The following GLUD1 variants were observed in gnomAD, a reference collection of about 807,000 sequenced individuals.
GLUD1 encodes the protein glutamate dehydrogenase 1, also known as glutamate dehydrogenase 1, mitochondrial.
GLUD1 carries 22 observed loss-of-function variants against 56.0 expected under a neutral mutation model. That is an observed-to-expected ratio of 0.39 (90% CI 0.28 to 0.56). GLUD1 has a LOEUF of 0.56. GLUD1 is among the 20% of genes least tolerant of loss of function. The pLI, the probability that GLUD1 is intolerant of heterozygous loss-of-function variation, is 0.58. For synonymous variants in GLUD1, 223 were observed against 269.9 expected, an observed-to-expected ratio of 0.83 and a Z score of 1.70; for missense variants, 451 against 732.0, an observed-to-expected ratio of 0.62 and a Z score of 4.43.
intron 1 of GLUD1, among the ~76,000 whole-genome samples, chr10:87,093,063 C>A (rs1309264668): frequency 2.0e-5 from 3 of 152,200 alleles, no homozygotes; most frequent in Admixed American, 2.0e-4. Flanking sequence ...AAGTTAAGTC[C>A]TAGAAGTGGG....
At chr10:87,060,336 TG>T in intron 8 of GLUD1, 95 bp from the exon 9 acceptor site, 1 of 860,758 alleles carries the variant, frequency 1.2e-6, no homozygotes, top group African/African-American at 1.6e-5. Context: ...CAAGGGGCTG[TG>T]GGGAGAAGCA....
intron 1 of GLUD1, chr10:87,091,509 C>CCCCTT (rs1841509612): frequency 3.5e-6 from 1 of 283,582 alleles, no homozygotes. Flanking sequence ...TCACACTATG[C>CCCCTT]CCCTTTGCTG....
At chr10:87,051,965 C>G in intron 12 of GLUD1, 95 bp from the exon 13 acceptor site, 1 of 1,428,314 alleles carries the variant, frequency 7.0e-7, no homozygotes, top group Non-Finnish European at 9.9e-7. Context: ...CCAAGTTACC[C>G]TCTCATTGTT....
intron 1 of GLUD1, among the ~76,000 whole-genome samples, chr10:87,088,723 ATT>A (rs1841444402): frequency 6.6e-6 from 1 of 152,262 alleles, no homozygotes; most frequent in Non-Finnish European, 1.5e-5. Flanking sequence ...AATCAGAAGA[ATT>A]ACGTCTGATA....
intron 3 of GLUD1, among the ~76,000 whole-genome samples, chr10:87,075,343 A>C (rs1846356589): frequency 6.6e-6 from 1 of 152,216 alleles, no homozygotes; most frequent in African/African-American, 2.4e-5. Context: ...ATAAGTATAT[A>C]AGTGAAGATA....
intron 1 of GLUD1, among the ~76,000 whole-genome samples, chr10:87,086,340 C>A (rs1017172158): frequency 2.0e-5 from 3 of 152,196 alleles, no homozygotes; most frequent in Admixed American, 6.5e-5. Context: ...TTGTGGTTAT[C>A]TTTGCCTCTT....
At chr10:87,054,208 G>A (rs1431262729) in intron 11 of GLUD1, among the ~76,000 whole-genome samples, 1 of 152,146 alleles carries the variant, frequency 6.6e-6, no homozygotes, top group Non-Finnish European at 1.5e-5. Context: ...GGTACTAGGG[G>A]ACATAGTAGA....
chr10:87,057,302 T>C lies in GLUD1; in HGVS notation c.1494+389A>G, dbSNP rs146354254. 2.0e-5 allele frequency among the ~76,000 whole-genome samples: 3 copies of C among 152,280 alleles called. No individual in the cohort carries two copies. The East Asian group carries it at 5.8e-4, about 29-fold the overall frequency. ...ATGCCTGGCCTCTTGTTTCTTTCTT[T>C]ATTTTTGTAGAGATGGGGACTCACT... On this transcript the variant is annotated intron_variant, in intron 11 of 12. Coordinates refer to ENST00000277865, the MANE Select transcript of GLUD1 (RefSeq NM_005271.5).
intron 10 of GLUD1, among the ~76,000 whole-genome samples, chr10:87,058,932 T>C (rs1294863097): frequency 6.6e-6 from 1 of 152,176 alleles, no homozygotes; most frequent in African/African-American, 2.4e-5. Context: ...CTGTGAATAT[T>C]ACATCACAGA....
rs1316567039 is a variant in GLUD1 at position 87,059,137 on chromosome 10, TATC to T, written c.1402+10_1402+12del. The T allele has an allele frequency of 6.2e-6, 10 of 1,612,386 alleles. No homozygotes were observed. The highest frequency in any genetic ancestry group is 1.3e-5 in the African/African-American group (1 of 74,998). On this transcript the variant is annotated intron_variant, in intron 10 of 12. Coordinates refer to ENST00000277865, the MANE Select transcript of GLUD1 (RefSeq NM_005271.5). ...AAAGATGAGTTTTGGCGAACAAGAT[TATC>T]GATACTCACTGAGCAAGTGGTAGTT...
chr10:87,080,713 T>C (rs973300147), intron 1 of GLUD1, among the ~76,000 whole-genome samples: 2 of 146,378 alleles, frequency 1.4e-5, no homozygotes, highest in African/African-American at 5.2e-5. Context: ...AACCGCCCCG[T>C]CTGAGAAGTG....
chr10:87,064,330 A>G (rs748783743), intron 5 of GLUD1, among the ~76,000 whole-genome samples: 3 of 152,224 alleles, frequency 2.0e-5, no homozygotes, highest in Non-Finnish European at 2.9e-5. Flanking sequence ...CAACTATACT[A>G]TAAGCACGGC....
At chr10:87,056,678 G>A (rs1259864936) in intron 11 of GLUD1, among the ~76,000 whole-genome samples, 1 of 152,060 alleles carries the variant, frequency 6.6e-6, no homozygotes. Flanking sequence ...TCCCAGAGGG[G>A]AGATTGTCAT....
intron 11 of GLUD1, among the ~76,000 whole-genome samples, chr10:87,053,834 T>C: frequency 6.6e-6 from 1 of 152,158 alleles, no homozygotes; most frequent in East Asian, 1.9e-4. Flanking sequence ...AGGAATCTGA[T>C]TAAACCCCAT....
chr10:87,053,272 G>A lies in GLUD1; in HGVS notation c.1557+70C>T, dbSNP rs149478698. On this transcript the variant is annotated intron_variant, in intron 12 of 12. Coordinates refer to ENST00000277865, the MANE Select transcript of GLUD1 (RefSeq NM_005271.5). ...TTTCTATCAGCACATACAGTCTGGC[G>A]GCTGAGATAGCATGGTTGAGTTGCA... is the stretch of plus-strand genomic sequence containing the variant. 2.1e-3 allele frequency: 1,990 copies of A among 966,392 alleles called. 31 individuals are homozygous for A. The African/African-American group carries it at 0.028, about 13-fold the overall frequency. The allele number at this position is 966,392 out of a possible 1,614,324, so 59.9% of individuals were successfully genotyped here.
chr10:87,057,017 G>C (rs978884892), intron 11 of GLUD1, among the ~76,000 whole-genome samples: 1 of 151,956 alleles, frequency 6.6e-6, no homozygotes, highest in Non-Finnish European at 1.5e-5. Context: ...CGGGAACGGA[G>C]TATCTCTCTG....
intron 4 of GLUD1, among the ~76,000 whole-genome samples, chr10:87,070,713 A>AAAAAAAAAAAAAAAAAT (rs1321312547): frequency 3.8e-4 from 58 of 152,356 alleles, no homozygotes; most frequent in Non-Finnish European, 5.1e-4. Context: ...TCTCAAAAAC[A>AAAAAAAAAAAAAAAAAT]GTCTATACAT....
chr10:87,052,040 C>G (rs2133773623), intron 12 of GLUD1, among the ~76,000 whole-genome samples, 170 bp from the exon 13 acceptor site: 1 of 152,312 alleles, frequency 6.6e-6, no homozygotes, highest in South Asian at 2.1e-4. Flanking sequence ...GGCAGGAGGG[C>G]CTAATTCTCT....
intron 1 of GLUD1, chr10:87,092,711 T>G (rs1841541124): frequency 5.4e-6 from 2 of 370,976 alleles, no homozygotes; most frequent in South Asian, 2.2e-4. Context: ...GAAAACCACA[T>G]ACACTGATTT....
Sources: gnomAD v4.1 joint callset for allele counts (sites outside exome capture counted in the v4.1 genomes callset) on GRCh38, gnomAD v4.1.1 for gene constraint, MANE v1.5 for transcripts, NCBI Gene and HGNC (gene_info 2026-07-23, HGNC 2026-07-21) for gene names.